FBXL2: variants seen among roughly 807,000 people sequenced by gnomAD.
FBXL2 encodes the protein F-box and leucine rich repeat protein 2.
FBXL2 carries 38 observed loss-of-function variants against 69.2 expected under a neutral mutation model. The ratio of observed to expected loss-of-function variants is 0.55; its 90% CI spans 0.42 to 0.72. FBXL2 has a LOEUF of 0.72. Ranked by LOEUF, FBXL2 falls within the 30% of genes least tolerant of loss-of-function variation. FBXL2 has a pLI of 0.00. For synonymous variants in FBXL2, 192 were observed against 201.3 expected, an observed-to-expected ratio of 0.95 and a Z score of 0.39; for missense variants, 354 against 520.3, an observed-to-expected ratio of 0.68 and a Z score of 3.11.
At chr3:33,352,283 A>G (rs894987519) in intron 2 of FBXL2, among the ~76,000 whole-genome samples, 3 of 152,220 alleles carry the variant, frequency 2.0e-5, no homozygotes, top group African/African-American at 7.2e-5. Flanking sequence ...ATTTAAAAAG[A>G]TGAAGGTAGA....
chr3:33,333,689 T>TA (rs1203602559), intron 2 of FBXL2, among the ~76,000 whole-genome samples: 1 of 152,148 alleles, frequency 6.6e-6, no homozygotes, highest in East Asian at 1.9e-4. Context: ...GGGTCTGACT[T>TA]AGACACTAAA....
chr3:33,358,651 G>T (rs766369735), intron 2 of FBXL2, among the ~76,000 whole-genome samples: 7 of 152,164 alleles, frequency 4.6e-5, no homozygotes, highest in Middle Eastern at 3.2e-3. Flanking sequence ...CCAAAAGAGG[G>T]CTTATGCTAG....
At chr3:33,390,989 CACAAA>C (rs1385725374), downstream of FBXL2, 1 of 152,122 alleles carries the variant, frequency 6.6e-6, no homozygotes, top group African/African-American at 2.4e-5. Context: ...CTGCTGGTTT[CACAAA>C]ACAAAACTAT....
rs370711234 is a variant in FBXL2, at chr3:33,402,870, A to C, written n.1215-364A>C. Reference sequence around the variant, plus strand: ...GGGCGCTGGGGAAGGGCTGTTATTCACATAGGCTGTGGGGGCATCGGGCCA... The same window carrying C: ...GGGCGCTGGGGAAGGGCTGTTATTCCCATAGGCTGTGGGGGCATCGGGCCA... On this transcript the variant is annotated intron_variant and non_coding_transcript_variant, in intron 12 of 12. Coordinates refer to the FBXL2 transcript ENST00000463736. 9.3e-6 allele frequency: 15 copies of C among 1,610,998 alleles called. No individual in the cohort carries two copies. Among genetic ancestry groups the C allele is most frequent in the Non-Finnish European group, 1.3e-5 (15 of 1,178,854 alleles).
intron 2 of FBXL2, among the ~76,000 whole-genome samples, chr3:33,301,498 C>CT (rs2036294260): frequency 6.6e-6 from 1 of 152,176 alleles, no homozygotes; most frequent in Non-Finnish European, 1.5e-5. Flanking sequence ...TCTGTTATCA[C>CT]TTTGAATCCA....
chr3:33,380,226 A>G (rs941867614), intron 13 of FBXL2, among the ~76,000 whole-genome samples: 20 of 150,628 alleles, frequency 1.3e-4, no homozygotes, highest in Non-Finnish European at 3.0e-5. Flanking sequence ...TCTGTCTCAA[A>G]AAAAAAAAAA....
chr3:33,344,809 C>T (rs2040314740), intron 2 of FBXL2, among the ~76,000 whole-genome samples: 1 of 152,224 alleles, frequency 6.6e-6, no homozygotes, highest in East Asian at 1.9e-4. Context: ...TAAATTCTTA[C>T]TAAAACTGAT....
At chr3:33,339,392 A>G (rs1490527568) in intron 2 of FBXL2, among the ~76,000 whole-genome samples, 1 of 152,208 alleles carries the variant, frequency 6.6e-6, no homozygotes, top group African/African-American at 2.4e-5. Context: ...CTTAAAACAG[A>G]ACTACCATTC....
chr3:33,367,316 A>G (rs904493978), intron 5 of FBXL2, among the ~76,000 whole-genome samples: 1 of 152,144 alleles, frequency 6.6e-6, no homozygotes, highest in African/African-American at 2.4e-5. Flanking sequence ...TCCTGACCTC[A>G]GGTGATCTGC....
In FBXL2 at chr3:33,386,392, T is replaced by TG. The variant is rs1031787326; in HGVS notation, c.*790dup. On this transcript the variant is annotated 3_prime_UTR_variant, in exon 15 of 15. Transcript: ENST00000484457. The stretch of plus-strand genomic sequence containing the variant: ...ATTATGTCCATGCCTCTCGTAAAAC[T>TG]GGGGGGAACCTTAAAGAGAAAGAAC... 8 of 152,194 alleles carry TG rather than the reference T, an allele frequency of 5.3e-5. No individual in the cohort carries two copies. Among genetic ancestry groups the TG allele is most frequent in the African/African-American group, 1.7e-4 (7 of 41,438 alleles). 9.4% of individuals were successfully genotyped at this position (152,194 alleles called of 1,614,324 possible). A position where few individuals can be genotyped will look rare whatever the true frequency, so the allele number is the denominator to read the frequency against.
intron 2 of FBXL2, among the ~76,000 whole-genome samples, chr3:33,330,556 A>C (rs1185712359): frequency 6.6e-6 from 1 of 152,164 alleles, no homozygotes; most frequent in Admixed American, 6.6e-5. Flanking sequence ...TATCCCAAGT[A>C]CCCTGACTTG....
the FBXL2 span, among the ~76,000 whole-genome samples, chr3:33,413,546 CAAA>C: frequency 5.4e-5 from 3 of 55,410 alleles, no homozygotes; most frequent in Non-Finnish European, 1.1e-4. Context: ...GACTCCATCA[CAAA>C]AAAAAAAAAA....
At chr3:33,392,476 A>C (rs1310958228), downstream of FBXL2, 1 of 1,132,564 alleles carries the variant, frequency 8.8e-7, no homozygotes, top group Non-Finnish European at 1.2e-6. Flanking sequence ...CAATCATTTT[A>C]AAGAATAAAC....
intron 2 of FBXL2, 149 bp from the exon 3 acceptor site, chr3:33,358,818 A>G: frequency 2.1e-6 from 1 of 475,250 alleles, no homozygotes; most frequent in Non-Finnish European, 3.8e-6. Context: ...GTAGTGATGT[A>G]AAGTTATAGT....
chr3:33,378,891 T>G (rs111585194), intron 13 of FBXL2, 150 bp downstream of exon 13: 4 of 1,417,704 alleles, frequency 2.8e-6, no homozygotes, highest in African/African-American at 2.9e-5. Flanking sequence ...GGAGGCAAGG[T>G]ATCTAAATAT....
intron 1 of FBXL2, among the ~76,000 whole-genome samples, chr3:33,290,590 A>G (rs896846865): frequency 3.9e-5 from 6 of 152,224 alleles, no homozygotes; most frequent in Non-Finnish European, 5.9e-5. Flanking sequence ...TGAAAAATAT[A>G]TTAGAAATGA....
Position 33,373,368 on chromosome 3 carries a change from A to G in FBXL2, c.455+13A>G, listed in dbSNP as rs2154048384. On this transcript the variant is annotated intron_variant, in intron 7 of 14. Coordinates refer to ENST00000484457, the MANE Select transcript of FBXL2 (RefSeq NM_012157.5). ...TGAAGGGGATCAGGTAAGAGTGCCC[A>G]TTGTTTGTGTCAAGAGAAATACCCA... 6.3e-7 allele frequency: 1 copy of G among 1,586,060 alleles called. No homozygotes were observed. The highest frequency in any genetic ancestry group is 1.3e-5 in the African/African-American group (1 of 74,460).
chr3:33,397,406 C>T (rs1432145546), intron 12 of FBXL2: 1 of 258,698 alleles, frequency 3.9e-6, no homozygotes. Context: ...AAGAACTCTT[C>T]CCGATATAGG....
chr3:33,317,405 C>T (rs2037803056), intron 2 of FBXL2: 1 of 454,212 alleles, frequency 2.2e-6, no homozygotes, highest in African/African-American at 2.0e-5. Context: ...CATTCCTCTC[C>T]ATCAGATCTG....
Sources: gnomAD v4.1 joint callset for allele counts (sites outside exome capture counted in the v4.1 genomes callset) on GRCh38, gnomAD v4.1.1 for gene constraint, MANE v1.5 for transcripts, NCBI Gene and HGNC (gene_info 2026-07-23, HGNC 2026-07-21) for gene names.